The following MGAT5B variants were observed in gnomAD, a reference collection of about 807,000 sequenced individuals.
The protein encoded by MGAT5B is N-acetylglucosaminyl-transferase Vb.
MGAT5B carries 54 observed loss-of-function variants against 95.1 expected under a neutral mutation model. The observed-to-expected ratio is 0.57, with a 90% CI of 0.46 to 0.71. The LOEUF (loss-of-function observed/expected upper bound fraction) is 0.71. Ranked by LOEUF, MGAT5B falls within the 30% of genes least tolerant of loss-of-function variation. The pLI, the probability that MGAT5B is intolerant of heterozygous loss-of-function variation, is 0.00. For missense variants in MGAT5B, 935 were observed against 1,088.6 expected (o/e 0.86, Z 1.99); for synonymous variants, 464 against 451.0 (o/e 1.03, Z -0.36).
chr17:76,940,368 C>G lies in MGAT5B; in HGVS notation c.1585-34C>G. ...TGCTTACTGGGCTGTGGCGGCCCAG[C>G]CCTCCCTGATCACTGCGCCCCTTGA... On this transcript the variant is annotated intron_variant, in intron 13 of 17. Transcript: ENST00000569840. This position sits in a 1 kb window ranked among gnomAD's most constrained non-coding sequence, Gnocchi z 4.3. The G allele has an allele frequency of 6.5e-7, 1 of 1,541,416 alleles. No homozygotes were observed. Among genetic ancestry groups the G allele is most frequent in the Non-Finnish European group, 8.8e-7 (1 of 1,141,370 alleles).
intron 3 of MGAT5B, among the ~76,000 whole-genome samples, chr17:76,897,733 T>TTCTTTCTTTCTC (rs1304460667): frequency 1.4e-5 from 1 of 69,424 alleles, no homozygotes; most frequent in African/African-American, 1.2e-4. Context: ...TTCTTTTTCT[T>TTCTTTCTTTCTC]TTTTTTTTTT....
chr17:76,875,299 G>A (rs1299013708), intron 2 of MGAT5B, among the ~76,000 whole-genome samples: 2 of 152,136 alleles, frequency 1.3e-5, no homozygotes, highest in Non-Finnish European at 2.9e-5. Flanking sequence ...GATTCATGGG[G>A]GTGGTTTACC....
At position 76,940,218 on chromosome 17, in the gene MGAT5B, A is replaced by T. The variant is rs931032787; in HGVS notation, c.1585-184A>T. On this transcript the variant is annotated intron_variant, in intron 13 of 17. Coordinates refer to ENST00000569840, the MANE Select transcript of MGAT5B (RefSeq NM_001199172.2). This position sits in a 1 kb window ranked among gnomAD's most constrained non-coding sequence, Gnocchi z 4.3. ...GGGAAGTGCTTGCCCGTGGCACAAG[A>T]TGTTCTGGGCTGGCTTTTCCAGCCC... 6.6e-6 allele frequency among the ~76,000 whole-genome samples: 1 copy of T among 152,154 alleles called. No individual in the cohort carries two copies. Among genetic ancestry groups the T allele is most frequent in the African/African-American group, 2.4e-5 (1 of 41,420 alleles).
At chr17:76,913,731 A>G (rs1182173418) in intron 8 of MGAT5B, 1 of 503,902 alleles carries the variant, frequency 2.0e-6, no homozygotes, top group Admixed American at 2.0e-5. Flanking sequence ...GCCTGTGAGA[A>G]GATGCTTCTA....
chr17:76,937,526 CATGGATGGTGGGTGCATGG>C (rs977578211), intron 12 of MGAT5B, among the ~76,000 whole-genome samples: 11 of 150,580 alleles, frequency 7.3e-5, no homozygotes, highest in Admixed American at 3.3e-4. Context: ...TGGATGGATG[CATGGATGGTGGGTGCATGG>C]ATGGATGGTG....
chr17:76,883,619 C>T (rs145069819), intron 3 of MGAT5B, among the ~76,000 whole-genome samples: 133 of 152,282 alleles, frequency 8.7e-4, no homozygotes, highest in African/African-American at 3.0e-3. Context: ...TTTGACCCCA[C>T]CCTATTCCAG....
intron 3 of MGAT5B, among the ~76,000 whole-genome samples, chr17:76,898,119 TG>T (rs1410173983): frequency 1.3e-5 from 2 of 152,056 alleles, no homozygotes; most frequent in Admixed American, 6.6e-5. Flanking sequence ...AGTTAGAACT[TG>T]ATGGAGTTTT....
At chr17:76,934,301 G>A (rs564487513) in intron 12 of MGAT5B, among the ~76,000 whole-genome samples, 12 of 152,318 alleles carry the variant, frequency 7.9e-5, no homozygotes, top group African/African-American at 2.6e-4. Flanking sequence ...GGACACCAGG[G>A]CACAGTGGGT....
At chr17:76,902,787 T>C in intron 4 of MGAT5B, 117 bp downstream of exon 4, 1 of 814,672 alleles carries the variant, frequency 1.2e-6, no homozygotes, top group Non-Finnish European at 1.9e-6. Flanking sequence ...TGACAGCAGC[T>C]CTGCTGGCTC....
intron 2 of MGAT5B, among the ~76,000 whole-genome samples, chr17:76,875,627 C>G (rs1178074825): frequency 2.8e-5 from 3 of 107,276 alleles, no homozygotes; most frequent in Non-Finnish European, 5.5e-5. Flanking sequence ...GACTCACTAT[C>G]TTGTATGCGG....
Position 76,906,300 on chromosome 17 carries a change from CGGCCCTG to C in MGAT5B, c.1025+114_1025+120del. 1 of 1,016,816 alleles carries C rather than the reference CGGCCCTG, an allele frequency of 9.8e-7. No homozygotes were observed. The highest frequency in any genetic ancestry group is 1.6e-5 in the South Asian group (1 of 61,574). 63.0% of individuals were successfully genotyped at this position (1,016,816 alleles called of 1,614,324 possible). A position where few individuals can be genotyped will look rare whatever the true frequency, so the allele number is the denominator to read the frequency against. On this transcript the variant is annotated intron_variant, in intron 8 of 17. Coordinates refer to ENST00000569840, the MANE Select transcript of MGAT5B (RefSeq NM_001199172.2). This position sits in a 1 kb window ranked among gnomAD's most constrained non-coding sequence, Gnocchi z 4.6. ...GCACCTGCTCTGCCTGCAGGTCCCA[CGGCCCTG>C]AGACCCTGGGAGACATCCTGGTGTT...
At chr17:76,895,491 G>A (rs7218860) in intron 3 of MGAT5B, among the ~76,000 whole-genome samples, 14,077 of 152,082 alleles carry the variant, frequency 0.093, 912 homozygotes, top group East Asian at 0.25. Flanking sequence ...GAAATTGATC[G>A]TTTCACAGTT....
chr17:76,908,582 A>T (rs1281918286), intron 8 of MGAT5B, among the ~76,000 whole-genome samples: 2 of 151,096 alleles, frequency 1.3e-5, no homozygotes, highest in East Asian at 3.9e-4. Context: ...CCTCCTTTTC[A>T]TTGACTTAAA....
chr17:76,928,932 C>T (rs544508648), intron 10 of MGAT5B, among the ~76,000 whole-genome samples: 5 of 151,844 alleles, frequency 3.3e-5, no homozygotes, highest in Non-Finnish European at 4.4e-5. Context: ...GTGGCGCGAC[C>T]TCGGCTCCCT....
At chr17:76,923,155 G>A (rs868491918) in intron 8 of MGAT5B, among the ~76,000 whole-genome samples, 1 of 152,302 alleles carries the variant, frequency 6.6e-6, no homozygotes, top group African/African-American at 2.4e-5. Context: ...CCGAGCTTCT[G>A]AGCATGCGCA....
chr17:76,906,333 C>G lies in MGAT5B; in HGVS notation c.1025+146C>G, dbSNP rs1968528635. On this transcript the variant is annotated intron_variant, in intron 8 of 17. Coordinates refer to ENST00000569840, the MANE Select transcript of MGAT5B (RefSeq NM_001199172.2). This position sits in a 1 kb window ranked among gnomAD's most constrained non-coding sequence, Gnocchi z 4.6. ...AGACCCTGGGAGACATCCTGGTGTT[C>G]CGCAGGACATCACCACTCCTAATCC... is the stretch of plus-strand genomic sequence containing the variant. 4.4e-5 allele frequency: 31 copies of G among 707,836 alleles called. No individual in the cohort carries two copies. The South Asian group carries it at 6.3e-4, about 14-fold the overall frequency. The allele number at this position is 707,836 out of a possible 1,614,324, so 43.8% of individuals were successfully genotyped here.
intron 3 of MGAT5B, among the ~76,000 whole-genome samples, chr17:76,897,132 G>A (rs1452798630): frequency 6.6e-6 from 1 of 152,098 alleles, no homozygotes; most frequent in African/African-American, 2.4e-5. Context: ...GCTCAGGCTG[G>A]TCTCGAACTC....
At chr17:76,936,362 C>T (rs1050414317) in intron 12 of MGAT5B, among the ~76,000 whole-genome samples, 11 of 152,248 alleles carry the variant, frequency 7.2e-5, no homozygotes, top group South Asian at 4.2e-4. Flanking sequence ...GAGTCGAGAT[C>T]GCACCACTGC....
In MGAT5B at chr17:76,933,309, G is replaced by A. The variant is rs749497351; in HGVS notation, c.1428+12G>A. ...CGAGGCAGCTCCAGGTATGGAAACC[G>A]CTTGCCGCCTGCCCCCTCTACCCTC... On this transcript the variant is annotated intron_variant, in intron 12 of 17. Coordinates refer to ENST00000569840, the MANE Select transcript of MGAT5B (RefSeq NM_001199172.2). 12 of 1,598,088 alleles carry A rather than the reference G, an allele frequency of 7.5e-6. No individual in the cohort carries two copies. The highest frequency in any genetic ancestry group is 2.7e-5 in the African/African-American group (2 of 74,902).
Sources: allele counts gnomAD v4.1 joint callset (sites outside exome capture counted in the v4.1 genomes callset), GRCh38; gene constraint gnomAD v4.1.1; non-coding constraint Gnocchi (gnomAD v3.1); transcripts MANE v1.5; gene names NCBI Gene and HGNC (gene_info 2026-07-23, HGNC 2026-07-21).